The following KCNH5 variants were observed in gnomAD, a reference collection of about 807,000 sequenced individuals.
The protein encoded by KCNH5 is potassium voltage-gated channel subfamily H member 5.
A neutral mutation model predicts 96.1 loss-of-function variants in KCNH5; 46 were observed. That is an observed-to-expected ratio of 0.48 (90% CI 0.38 to 0.61). The LOEUF is 0.61. Ranked by LOEUF, KCNH5 falls within the 20% of genes least tolerant of loss-of-function variation. The pLI, the probability that KCNH5 is intolerant of heterozygous loss-of-function variation, is 0.00. For missense variants in KCNH5, 907 were observed against 1,225.8 expected (o/e 0.74, Z 3.88); for synonymous variants, 439 against 449.8 (o/e 0.98, Z 0.30).
At chr14:62,948,121 T>G (rs1429216311) in intron 7 of KCNH5, among the ~76,000 whole-genome samples, 2 of 152,170 alleles carry the variant, frequency 1.3e-5, no homozygotes. Flanking sequence ...AATGATGGTT[T>G]CCAATTTCAT....
At chr14:62,955,483 C>A (rs1456170923) in intron 6 of KCNH5, among the ~76,000 whole-genome samples, 1 of 151,958 alleles carries the variant, frequency 6.6e-6, no homozygotes, top group Non-Finnish European at 1.5e-5. Flanking sequence ...AAAGCATGGC[C>A]CAGAAAAGTT....
At chr14:62,810,529 A>G (rs1306335011) in intron 8 of KCNH5, among the ~76,000 whole-genome samples, 2 of 152,034 alleles carry the variant, frequency 1.3e-5, no homozygotes, top group Non-Finnish European at 2.9e-5. Flanking sequence ...GGTCATAAAG[A>G]CCTTTCTGAT....
intron 10 of KCNH5, among the ~76,000 whole-genome samples, chr14:62,776,653 A>T (rs984105963): frequency 6.6e-6 from 1 of 152,214 alleles, no homozygotes; most frequent in Admixed American, 6.5e-5. Context: ...CTTGACAGAA[A>T]AATTTTCCAT....
In KCNH5 at chr14:62,788,079, G is replaced by A. The variant is rs140228558; in HGVS notation, c.1823-8155C>T. ...TGTCATAGATACTGATCCATCTAAA[G>A]GATCTAGAGAAAGTAAATGGGAAAT... On this transcript the variant is annotated intron_variant, in intron 9 of 10. Coordinates refer to ENST00000322893, the MANE Select transcript of KCNH5 (RefSeq NM_139318.5). 3.5e-3 allele frequency among the ~76,000 whole-genome samples: 528 copies of A among 152,200 alleles called. 9 individuals carry two copies. Among genetic ancestry groups the A allele is most frequent in the African/African-American group, 0.012 (501 of 41,518 alleles).
intron 4 of KCNH5, among the ~76,000 whole-genome samples, chr14:62,994,094 G>A (rs1297153199): frequency 6.6e-6 from 1 of 152,018 alleles, no homozygotes; most frequent in Non-Finnish European, 1.5e-5. Context: ...CTACTAGACT[G>A]CAACACAAGA....
At chr14:62,723,652 T>TTCAGCCCCATC (rs1884862891) in intron 10 of KCNH5, among the ~76,000 whole-genome samples, 1 of 152,178 alleles carries the variant, frequency 6.6e-6, no homozygotes, top group Non-Finnish European at 1.5e-5. Flanking sequence ...GGGGTGAAAG[T>TTCAGCCCCATC]TTTTAAAAAT....
At chr14:62,982,822 C>T (rs1034393298) in intron 5 of KCNH5, among the ~76,000 whole-genome samples, 13 of 152,218 alleles carry the variant, frequency 8.5e-5, no homozygotes, top group South Asian at 4.1e-4. Context: ...TGTAAGAATA[C>T]TTATAAAGAT....
intron 1 of KCNH5, among the ~76,000 whole-genome samples, chr14:63,030,663 T>C (rs1242891043): frequency 6.6e-6 from 1 of 152,158 alleles, no homozygotes; most frequent in Non-Finnish European, 1.5e-5. Flanking sequence ...AACCCAGGCA[T>C]CAATACTTAT....
chr14:62,944,636 G>A (rs1460989560), intron 7 of KCNH5, among the ~76,000 whole-genome samples: 1 of 152,102 alleles, frequency 6.6e-6, no homozygotes, highest in Non-Finnish European at 1.5e-5. Context: ...TTTACAAAGA[G>A]CTACAATATC....
At chr14:62,771,612 G>A (rs11850687) in intron 10 of KCNH5, among the ~76,000 whole-genome samples, 5,665 of 152,172 alleles carry the variant, frequency 0.037, 200 homozygotes, top group African/African-American at 0.1. Flanking sequence ...GTGACAGAGC[G>A]AGACTCTGCC....
chr14:62,796,980 CTT>C (rs1270289768), intron 9 of KCNH5, among the ~76,000 whole-genome samples: 1 of 152,118 alleles, frequency 6.6e-6, no homozygotes, highest in Non-Finnish European at 1.5e-5. Context: ...ATCTTAGTAA[CTT>C]TGAATAGAAT....
At chr14:62,960,788 C>A (rs557315258) in intron 6 of KCNH5, among the ~76,000 whole-genome samples, 4 of 152,068 alleles carry the variant, frequency 2.6e-5, no homozygotes, top group Non-Finnish European at 5.9e-5. Flanking sequence ...AAGAGCTCTA[C>A]GGGGAAATAA....
intron 7 of KCNH5, among the ~76,000 whole-genome samples, chr14:62,855,839 T>C (rs1887916550): frequency 6.6e-6 from 1 of 152,186 alleles, no homozygotes; most frequent in Non-Finnish European, 1.5e-5. Flanking sequence ...GACATCACTA[T>C]TCATTCAAGC....
intron 6 of KCNH5, among the ~76,000 whole-genome samples, chr14:62,979,699 T>C (rs1178661596): frequency 6.6e-6 from 1 of 152,204 alleles, no homozygotes; most frequent in Non-Finnish European, 1.5e-5. Context: ...GACTCTTCTA[T>C]ATATTATGAA....
chr14:62,844,873 A>G (rs1887659117), intron 8 of KCNH5, among the ~76,000 whole-genome samples: 1 of 152,202 alleles, frequency 6.6e-6, no homozygotes, highest in Admixed American at 6.5e-5. Flanking sequence ...GAATTCAAAA[A>G]TCTATAAAAC....
chr14:62,868,115 G>A (rs1374365803), intron 7 of KCNH5, among the ~76,000 whole-genome samples: 1 of 152,208 alleles, frequency 6.6e-6, no homozygotes, highest in Non-Finnish European at 1.5e-5. Context: ...CAATCATTGA[G>A]TGAGGGGGTA....
At chr14:62,753,285 G>C (rs995436121) in intron 10 of KCNH5, among the ~76,000 whole-genome samples, 1 of 152,034 alleles carries the variant, frequency 6.6e-6, no homozygotes, top group African/African-American at 2.4e-5. Flanking sequence ...TTAAAGACAG[G>C]CTATTTGAAA....
At chr14:63,041,749 T>G (rs1238624916) in intron 1 of KCNH5, among the ~76,000 whole-genome samples, 1 of 152,134 alleles carries the variant, frequency 6.6e-6, no homozygotes, top group African/African-American at 2.4e-5. Context: ...TTTTATAGAC[T>G]TTGAATCACC....
At chr14:62,979,666 T>C (rs1406847869) in intron 6 of KCNH5, among the ~76,000 whole-genome samples, 3 of 152,202 alleles carry the variant, frequency 2.0e-5, no homozygotes, top group African/African-American at 7.2e-5. Context: ...GAACATATTT[T>C]AATAATAGAC....
Sources: gnomAD v4.1 joint callset for allele counts (sites outside exome capture counted in the v4.1 genomes callset) on GRCh38, gnomAD v4.1.1 for gene constraint, MANE v1.5 for transcripts, NCBI Gene and HGNC (gene_info 2026-07-23, HGNC 2026-07-21) for gene names.